PHACTR2: variants seen among roughly 807,000 people sequenced by gnomAD.
PHACTR2 encodes chromosome 6 open reading frame 56.
PHACTR2 carries 30 observed loss-of-function variants against 76.0 expected under a neutral mutation model. The ratio of observed to expected loss-of-function variants is 0.39; its 90% CI spans 0.30 to 0.54. The LOEUF is 0.54. Among genes scored for constraint, PHACTR2 ranks in the 20% least tolerant of loss-of-function variants. PHACTR2 has a pLI of 0.61. For synonymous variants in PHACTR2, 292 were observed against 292.5 expected (o/e 1.00, Z 0.02); for missense variants, 696 against 781.1 (o/e 0.89, Z 1.30).
chr6:143,701,429 C>T (rs1430944827), intron 1 of PHACTR2, among the ~76,000 whole-genome samples: 2 of 152,178 alleles, frequency 1.3e-5, no homozygotes, highest in Non-Finnish European at 2.9e-5. Flanking sequence ...CTGCCGCCAG[C>T]GTGAAATTAA....
intron 12 of PHACTR2, among the ~76,000 whole-genome samples, chr6:143,814,795 G>C (rs1049737666): frequency 4.6e-5 from 7 of 151,840 alleles, no homozygotes; most frequent in Non-Finnish European, 7.4e-5. Context: ...GTAGAGACGG[G>C]GTTTCACCGT....
At chr6:143,770,969 G>C (rs1775087055) in intron 6 of PHACTR2, among the ~76,000 whole-genome samples, 1 of 141,092 alleles carries the variant, frequency 7.1e-6, no homozygotes, top group African/African-American at 2.6e-5. Context: ...TGTCACCCAG[G>C]CTAGAGTCAT....
intron 1 of PHACTR2, among the ~76,000 whole-genome samples, chr6:143,685,616 G>A (rs1179596745): frequency 6.7e-6 from 1 of 149,188 alleles, no homozygotes; most frequent in African/African-American, 2.5e-5. Context: ...TAAGAAACTT[G>A]CCTATGTTAC....
At chr6:143,666,148 T>A (rs1436238581) in intron 1 of PHACTR2, among the ~76,000 whole-genome samples, 1 of 152,122 alleles carries the variant, frequency 6.6e-6, no homozygotes, top group Non-Finnish European at 1.5e-5. Context: ...CGTTCCTGTG[T>A]GAATTTGCTG....
intron 9 of PHACTR2, among the ~76,000 whole-genome samples, chr6:143,781,208 A>G (rs565399839): frequency 2.0e-5 from 3 of 152,212 alleles, no homozygotes; most frequent in Non-Finnish European, 4.4e-5. Context: ...ACAATTTTGA[A>G]CATGGAAAAC....
In PHACTR2 at chr6:143,822,664, G is replaced by A. The variant is rs910054887; in HGVS notation, c.1923-1010G>A. On this transcript the variant is annotated intron_variant, in intron 12 of 12. Coordinates refer to ENST00000440869, the MANE Select transcript of PHACTR2 (RefSeq NM_001100164.2). The surrounding 1 kb of genome is among the most constrained non-coding windows in gnomAD (Gnocchi z 5.5). ...GGCTGACCAGAGCAGATGAGCATTCGACTGTAGAAGACAGAGTGAAATGCT... is the reference window on the plus strand; with the variant it reads ...GGCTGACCAGAGCAGATGAGCATTCAACTGTAGAAGACAGAGTGAAATGCT... 2.0e-5 allele frequency among the ~76,000 whole-genome samples: 3 copies of A among 152,188 alleles called. No homozygotes were observed. Among genetic ancestry groups the A allele is most frequent in the Non-Finnish European group, 2.9e-5 (2 of 68,030 alleles).
chr6:143,762,726 T>C (rs1016501201), intron 5 of PHACTR2, among the ~76,000 whole-genome samples: 1 of 152,256 alleles, frequency 6.6e-6, no homozygotes, highest in Non-Finnish European at 1.5e-5. Flanking sequence ...CTTTCTCTAT[T>C]ACTAAGTTAG....
In PHACTR2 at chr6:143,610,995, T is replaced by A. The variant is rs1243304091; in HGVS notation, c.13+2673T>A. Among the ~76,000 whole-genome samples the A allele has an allele frequency of 6.6e-6, 1 of 152,182 alleles. No individual in the cohort carries two copies. The stretch of plus-strand genomic sequence containing the variant: ...GGCACACCTGTGACTACAAGCATCA[T>A]CAGCATTCTGCCAGTGCCACTATCC... On this transcript the variant is annotated intron_variant, in intron 1 of 11. Coordinates refer to the PHACTR2 transcript ENST00000305766. This position sits in a 1 kb window ranked among gnomAD's most constrained non-coding sequence, Gnocchi z 4.9.
In PHACTR2 at chr6:143,775,867, G is replaced by A. The variant is rs1775262690; in HGVS notation, c.1590-1461G>A. ...TTTTGTTAAAATCCTAAACAAACGA[G>A]GAGTTGTAATCCCAGCACTTTGGGA... On this transcript the variant is annotated intron_variant, in intron 8 of 12. Transcript: ENST00000440869. The surrounding 1 kb of genome is among the most constrained non-coding windows in gnomAD (Gnocchi z 4.4). Among the ~76,000 whole-genome samples the A allele has an allele frequency of 6.6e-6, 1 of 152,138 alleles. No homozygotes were observed. The highest frequency in any genetic ancestry group is 1.5e-5 in the Non-Finnish European group (1 of 68,024).
At chr6:143,711,756 T>C (rs1045049550) in intron 1 of PHACTR2, 1 of 654,858 alleles carries the variant, frequency 1.5e-6, no homozygotes, top group African/African-American at 1.8e-5. Flanking sequence ...GACACTCATT[T>C]GTCTGGCCCC....
At chr6:143,773,979 A>T in intron 7 of PHACTR2, 80 bp from the exon 8 acceptor site, 1 of 1,230,790 alleles carries the variant, frequency 8.1e-7, no homozygotes, top group Non-Finnish European at 1.2e-6. Flanking sequence ...GGCTCTATTT[A>T]AAGTCCATGC....
intron 1 of PHACTR2, among the ~76,000 whole-genome samples, chr6:143,669,443 C>T (rs1405062059): frequency 2.0e-5 from 3 of 152,116 alleles, no homozygotes; most frequent in Non-Finnish European, 4.4e-5. Flanking sequence ...TATTCTGTCT[C>T]GTTGATCTGT....
In PHACTR2 at chr6:143,765,614, C is replaced by T. The variant is rs374498739; in HGVS notation, c.1048C>T (p.Pro350Ser). 4.3e-5 allele frequency: 70 copies of T among 1,614,142 alleles called. No homozygotes were observed. Among genetic ancestry groups the T allele is most frequent in the African/African-American group, 8.0e-5 (6 of 75,054 alleles). The change falls in exon 6 of 13, where the codon CCT becomes TCT. Residue 350 changes from proline to serine, a missense_variant. Physicochemically the swap from Pro to Ser is moderately conservative, Grantham distance 74. This residue lies in a region of PHACTR2 where 460 missense variants were observed against 450.9 expected (regional missense o/e 1.02). Coordinates refer to ENST00000440869, the MANE Select transcript of PHACTR2 (RefSeq NM_001100164.2). This position sits in a 1 kb window ranked among gnomAD's most constrained non-coding sequence, Gnocchi z 4.1. ...TCCAGCACCTTCTCCTCTGGCCCCC[C>T]CTCTCCCTCTTGAGGATCAGTGCAT... ...VAPAPSPLAP[P>S]LPLEDQCITA...
At chr6:143,769,306 T>G (rs1775037096) in intron 6 of PHACTR2, among the ~76,000 whole-genome samples, 1 of 152,158 alleles carries the variant, frequency 6.6e-6, no homozygotes, top group Non-Finnish European at 1.5e-5. Flanking sequence ...TACAGTTCAT[T>G]TTCACAAACA....
intron 2 of PHACTR2, among the ~76,000 whole-genome samples, chr6:143,741,927 C>A (rs983109815): frequency 1.3e-5 from 2 of 151,966 alleles, no homozygotes; most frequent in Non-Finnish European, 2.9e-5. Flanking sequence ...CGTGGTGAAA[C>A]CCCATCTCTA....
At position 143,553,149 on chromosome 6, in the gene PHACTR2, G is replaced by A. The variant is rs1228836646; in HGVS notation, c.217+15942G>A. On this transcript the variant is annotated intron_variant, in intron 1 of 11. Coordinates refer to the PHACTR2 transcript ENST00000367584. This position sits in a 1 kb window ranked among gnomAD's most constrained non-coding sequence, Gnocchi z 4.2. ...CAACAAGGTTCAGCAAGTATTTACT[G>A]AGTCTCTATTATGTGCCAGTGAGAA... Among the ~76,000 whole-genome samples the A allele has an allele frequency of 1.3e-5, 2 of 152,188 alleles. No individual in the cohort carries two copies. Among genetic ancestry groups the A allele is most frequent in the Non-Finnish European group, 2.9e-5 (2 of 68,040 alleles).
rs190247501 is a variant in PHACTR2, at chr6:143,615,697, C to G, written c.13+7375C>G. 6.4e-4 allele frequency among the ~76,000 whole-genome samples: 98 copies of G among 152,046 alleles called. 2 individuals are homozygous for G. In the East Asian group the frequency reaches 0.017, roughly 26 times the overall value. On this transcript the variant is annotated intron_variant, in intron 1 of 11. Coordinates refer to the PHACTR2 transcript ENST00000305766. Reference sequence around the variant, plus strand: ...CATTAACAAAAATTATGGAAAGAGCCTTTCCCATATGTTTTTAATGATATT... The same window carrying G: ...CATTAACAAAAATTATGGAAAGAGCGTTTCCCATATGTTTTTAATGATATT...
chr6:143,736,891 A>T (rs565939819), intron 2 of PHACTR2, among the ~76,000 whole-genome samples: 2 of 151,916 alleles, frequency 1.3e-5, no homozygotes, highest in South Asian at 4.2e-4. Context: ...TATTTTAATC[A>T]TCCTAACGTC....
rs1775115152 is a variant in PHACTR2, at chr6:143,553,110, C to G, written c.217+15903C>G. On this transcript the variant is annotated intron_variant, in intron 1 of 11. Transcript: ENST00000367584. This position sits in a 1 kb window ranked among gnomAD's most constrained non-coding sequence, Gnocchi z 4.2. ...GGCTGAGGGGCTAAAACCCATGCAC[C>G]ACTCTTGACCCATCAACAAGGTTCA... is the stretch of plus-strand genomic sequence containing the variant. 1.3e-5 allele frequency among the ~76,000 whole-genome samples: 2 copies of G among 152,172 alleles called. No individual in the cohort carries two copies. Among genetic ancestry groups the G allele is most frequent in the Non-Finnish European group, 2.9e-5 (2 of 68,020 alleles).
Sources: gnomAD v4.1 joint callset for allele counts (sites outside exome capture counted in the v4.1 genomes callset) on GRCh38, gnomAD v4.1.1 for gene constraint, gnomAD v4.1.1 regional missense constraint, Gnocchi (gnomAD v3.1) non-coding constraint, MANE v1.5 for transcripts, NCBI Gene and HGNC (gene_info 2026-07-23, HGNC 2026-07-21) for gene names.